Variants in WNK3 observed in about 807,000 individuals in gnomAD.
WNK3 encodes the protein WNK lysine deficient protein kinase 3.
A neutral mutation model predicts 116.7 loss-of-function variants in WNK3; 18 were observed. The observed-to-expected ratio is 0.15, with a 90% CI of 0.11 to 0.23. The LOEUF is 0.23. Ranked by LOEUF, WNK3 falls within the 10% of genes least tolerant of loss-of-function variation. WNK3 has a pLI of 1.00. For synonymous variants in WNK3, 404 were observed against 469.4 expected (o/e 0.86, Z 1.80); for missense variants, 993 against 1,323.8 (o/e 0.75, Z 3.88).
exon 2 of WNK3, chrX:54,333,475 C>G (rs1557174745): frequency 8.3e-7 from 1 of 1,211,172 alleles, no homozygotes. Flanking sequence ...TTGTCATCTT[C>G]CGTCATTTCA....
At position 54,209,316 on chromosome X, in the gene WNK3, G is replaced by A. The variant is rs895219488; in HGVS notation, c.4871-7123C>T. On this transcript the variant is annotated intron_variant, in intron 22 of 23. Transcript: ENST00000354646. The stretch of plus-strand genomic sequence containing the variant: ...TGCGCACCTGTAATCCCAGCTACTC[G>A]GGAGGCTGAGGCAGGAGAATCACTT... Among the ~76,000 whole-genome samples the A allele has an allele frequency of 1.7e-3, 182 of 107,439 alleles. 1 individual carries two copies. The highest frequency in any genetic ancestry group is 5.8e-3 in the African/African-American group (172 of 29,616). 93.3% of individuals were successfully genotyped at this position (107,439 alleles called of 115,157 possible).
intron 22 of WNK3, among the ~76,000 whole-genome samples, chrX:54,213,547 C>A (rs2067642977): frequency 1.5e-5 from 1 of 66,773 alleles, no homozygotes. Flanking sequence ...GAGTGAGACT[C>A]CGTCTCAAAA....
intron 10 of WNK3, among the ~76,000 whole-genome samples, chrX:54,263,825 T>C (rs939774407): frequency 9.0e-6 from 1 of 111,081 alleles, no homozygotes; most frequent in Non-Finnish European, 1.9e-5. Flanking sequence ...TTTATATTTA[T>C]ATAGAATTCT....
chrX:54,294,603 C>T (rs1557165851), exon 8 of WNK3: 16 of 1,202,794 alleles, frequency 1.3e-5, no homozygotes, highest in Non-Finnish European at 1.8e-5. Context: ...AAGCTGTTGT[C>T]TAACATGTTG....
chrX:54,253,674 T>C (rs1371288946), intron 13 of WNK3, among the ~76,000 whole-genome samples: 1 of 112,312 alleles, frequency 8.9e-6, no homozygotes, highest in Non-Finnish European at 1.9e-5. Context: ...GGCAATACAA[T>C]TGTTTTTAAA....
intron 1 of WNK3, among the ~76,000 whole-genome samples, chrX:54,335,747 C>T (rs941989081): frequency 8.0e-5 from 9 of 112,208 alleles, no homozygotes; most frequent in Non-Finnish European, 1.5e-4. Context: ...CATCAAAATT[C>T]CAGCTGGTTT....
intron 10 of WNK3, among the ~76,000 whole-genome samples, chrX:54,278,927 G>C (rs1557161651): frequency 9.0e-6 from 1 of 110,916 alleles, no homozygotes; most frequent in Non-Finnish European, 1.9e-5. Flanking sequence ...AATTAGCTGG[G>C]GGTGGTGGCG....
At chrX:54,290,046 G>A (rs904449764) in intron 10 of WNK3, among the ~76,000 whole-genome samples, 3 of 111,712 alleles carry the variant, frequency 2.7e-5, no homozygotes, top group African/African-American at 9.7e-5. Flanking sequence ...AGGCCAAGGC[G>A]GGGCAGATCA....
At chrX:54,312,349 A>C (rs2068896528) in intron 2 of WNK3, among the ~76,000 whole-genome samples, 1 of 111,317 alleles carries the variant, frequency 9.0e-6, no homozygotes, top group African/African-American at 3.3e-5. Context: ...TAAAATAACA[A>C]AATGTTAGAA....
rs181140848 is a variant in WNK3, at chrX:54,300,291, T to G, written c.1178+1480A>C. ...CTTCAGCCTCCCCAGGGGCTGGGAC[T>G]ACAGGCGTGTGACACTATGCCTGGC... On this transcript the variant is annotated intron_variant, in intron 6 of 23. Coordinates refer to ENST00000354646, the Ensembl canonical transcript of WNK3. 2.5e-3 allele frequency among the ~76,000 whole-genome samples: 273 copies of G among 111,129 alleles called. 3 individuals carry two copies. Among genetic ancestry groups the G allele is most frequent in the Non-Finnish European group, 5.5e-4 (29 of 53,013 alleles).
intron 1 of WNK3, among the ~76,000 whole-genome samples, chrX:54,337,597 T>TAAATAAATAAA (rs1162943338): frequency 9.5e-6 from 1 of 105,180 alleles, no homozygotes; most frequent in African/African-American, 3.5e-5. Context: ...AATAAATAAA[T>TAAATAAATAAA]AAAATATTTG....
chrX:54,264,853 A>ATTT (rs374917527), intron 10 of WNK3, among the ~76,000 whole-genome samples: 1 of 102,301 alleles, frequency 9.8e-6, no homozygotes, highest in Non-Finnish European at 2.0e-5. Context: ...AGCAACTAAC[A>ATTT]TTTTTTTTTT....
chrX:54,348,786 G>A (rs1016294210), intron 1 of WNK3, among the ~76,000 whole-genome samples: 3 of 111,453 alleles, frequency 2.7e-5, no homozygotes, highest in Non-Finnish European at 5.6e-5. Flanking sequence ...ATAAACAATC[G>A]TTAAAGTCAG....
At chrX:54,309,439 C>T (rs1021876860) in intron 3 of WNK3, 124 bp from the exon 4 acceptor site, 17 of 517,691 alleles carry the variant, frequency 3.3e-5, no homozygotes, top group Middle Eastern at 1.1e-3. Context: ...GAGTTGTTTT[C>T]TATTGTCTGT....
chrX:54,310,703 T>C (rs2068877989), intron 3 of WNK3, among the ~76,000 whole-genome samples: 1 of 111,207 alleles, frequency 9.0e-6, no homozygotes, highest in African/African-American at 3.3e-5. Context: ...TTAACCTAAC[T>C]TAAAACAGTC....
exon 22 of WNK3, chrX:54,228,738 T>C: frequency 2.1e-6 from 1 of 487,752 alleles, no homozygotes; most frequent in Non-Finnish European, 3.7e-6. Flanking sequence ...ATAAGGCAGC[T>C]TTTCCCTGAT....
At chrX:54,238,156 C>A (rs2067984222) in intron 19 of WNK3, among the ~76,000 whole-genome samples, 186 bp downstream of exon 19, 1 of 110,633 alleles carries the variant, frequency 9.0e-6, no homozygotes, top group Admixed American at 9.7e-5. Context: ...TCGCTTGAAC[C>A]AAGGAGACGG....
chrX:54,302,573 T>C (rs908058141), intron 5 of WNK3, among the ~76,000 whole-genome samples: 6 of 110,038 alleles, frequency 5.5e-5, no homozygotes, highest in Non-Finnish European at 1.1e-4. Flanking sequence ...AGTGCTGGGA[T>C]TACAGGCGTA....
intron 18 of WNK3, 146 bp downstream of exon 18, chrX:54,238,722 A>C: frequency 1.8e-6 from 1 of 547,922 alleles, no homozygotes; most frequent in South Asian, 3.9e-5. Context: ...AAAAGGAAAA[A>C]ATAAAATGGC....
Sources: allele counts gnomAD v4.1 joint callset (sites outside exome capture counted in the v4.1 genomes callset), GRCh38; gene constraint gnomAD v4.1.1; transcripts MANE v1.5; gene names NCBI Gene and HGNC (gene_info 2026-07-23, HGNC 2026-07-21).